POLA2: variants seen among roughly 807,000 people sequenced by gnomAD.
POLA2 encodes DNA polymerase alpha subunit B.
A neutral mutation model predicts 82.8 loss-of-function variants in POLA2; 47 were observed. The observed-to-expected ratio is 0.57, with a 90% CI of 0.45 to 0.72. The LOEUF is 0.72. POLA2 is among the 30% of genes least tolerant of loss of function. POLA2 has a pLI of 0.00. For synonymous variants in POLA2, 287 were observed against 286.8 expected, an observed-to-expected ratio of 1.00 and a Z score of -0.01; for missense variants, 634 against 728.1, an observed-to-expected ratio of 0.87 and a Z score of 1.49.
At chr11:65,282,637 A>ACCG in intron 10 of POLA2, 116 bp downstream of exon 10, 1 of 861,426 alleles carries the variant, frequency 1.2e-6, no homozygotes. Flanking sequence ...CAATGTGACC[A>ACCG]AGCAGTGAGG....
At chr11:65,298,877 A>G (rs995864078), downstream of POLA2, among the ~76,000 whole-genome samples, 4 of 152,202 alleles carry the variant, frequency 2.6e-5, no homozygotes, top group South Asian at 2.1e-4. Context: ...AGCCCAGGCA[A>G]TGGTTGCCTG....
downstream of POLA2, among the ~76,000 whole-genome samples, chr11:65,303,685 T>C (rs59598510): frequency 7.0e-3 from 1,066 of 152,284 alleles, 12 homozygotes; most frequent in African/African-American, 0.025. Flanking sequence ...GAGTGTCATG[T>C]TCACTGTTGT....
intron 8 of POLA2, among the ~76,000 whole-genome samples, chr11:65,305,201 C>T (rs1307212284): frequency 1.3e-5 from 2 of 152,160 alleles, no homozygotes; most frequent in Non-Finnish European, 2.9e-5. Flanking sequence ...TCTGGCCTCC[C>T]TCCAGGCCCC....
chr11:65,276,046 C>G, intron 5 of POLA2, 48 bp downstream of exon 5: 1 of 1,048,396 alleles, frequency 9.5e-7, no homozygotes, highest in Non-Finnish European at 1.4e-6. Context: ...CCTCCCCTCC[C>G]CTTTCTCTGG....
chr11:65,286,835 G>A (rs1949702449), intron 10 of POLA2, among the ~76,000 whole-genome samples: 2 of 152,154 alleles, frequency 1.3e-5, no homozygotes, highest in Non-Finnish European at 1.5e-5. Context: ...TAACAAGAAA[G>A]CAGGAATTTA....
At chr11:65,269,219 A>G (rs1341118659) in intron 4 of POLA2, among the ~76,000 whole-genome samples, 1 of 152,238 alleles carries the variant, frequency 6.6e-6, no homozygotes, top group African/African-American at 2.4e-5. Flanking sequence ...GCAGTGGCTC[A>G]TGCCTGTAAT....
At chr11:65,303,708 T>C (rs1388419443) in intron 8 of POLA2, among the ~76,000 whole-genome samples, 1 of 152,150 alleles carries the variant, frequency 6.6e-6, no homozygotes, top group Non-Finnish European at 1.5e-5. Context: ...CACTGGTCCC[T>C]AGACAGTGCT....
At chr11:65,272,739 C>T (rs753163152) in intron 4 of POLA2, among the ~76,000 whole-genome samples, 6 of 152,110 alleles carry the variant, frequency 3.9e-5, no homozygotes, top group East Asian at 1.9e-4. Context: ...CCGGCCACTG[C>T]GGTGGCTCAC....
At chr11:65,276,166 TTTC>T (rs1266767276) in intron 5 of POLA2, among the ~76,000 whole-genome samples, 168 bp downstream of exon 5, 1 of 152,186 alleles carries the variant, frequency 6.6e-6, no homozygotes, top group Non-Finnish European at 1.5e-5. Flanking sequence ...TTGCTCTCCT[TTTC>T]TTTGTGGAAA....
At chr11:65,270,193 T>C (rs1228331804) in intron 4 of POLA2, among the ~76,000 whole-genome samples, 2 of 152,212 alleles carry the variant, frequency 1.3e-5, no homozygotes, top group African/African-American at 2.4e-5. Context: ...GGAGGGAGCC[T>C]TAATTATTCA....
intron 1 of POLA2, among the ~76,000 whole-genome samples, chr11:65,264,646 T>G (rs930633982): frequency 6.6e-6 from 1 of 152,232 alleles, no homozygotes; most frequent in Non-Finnish European, 1.5e-5. Context: ...ACCACCATTA[T>G]GTCTCACTGA....
At chr11:65,282,251 T>C (rs1298658804) in intron 9 of POLA2, among the ~76,000 whole-genome samples, 3 of 152,214 alleles carry the variant, frequency 2.0e-5, no homozygotes, top group Admixed American at 2.0e-4. Context: ...AATTGAGTAG[T>C]GACCTCCCAT....
chr11:65,297,361 G>A lies in POLA2; in HGVS notation c.*92G>A. ...GCCCTGTGACAAGGTGAACAGTTGGGTGGGAAAGGAGAGAGGAGCCAGCCA... is the reference window on the plus strand; with the variant it reads ...GCCCTGTGACAAGGTGAACAGTTGGATGGGAAAGGAGAGAGGAGCCAGCCA... On this transcript the variant is annotated 3_prime_UTR_variant, in exon 18 of 18. Coordinates refer to ENST00000265465, the MANE Select transcript of POLA2 (RefSeq NM_002689.4). 2.1e-6 allele frequency: 3 copies of A among 1,427,202 alleles called. No homozygotes were observed. Among genetic ancestry groups the A allele is most frequent in the East Asian group, 2.5e-5 (1 of 39,960 alleles). 88.4% of individuals were successfully genotyped at this position (1,427,202 alleles called of 1,614,324 possible).
At chr11:65,281,308 TC>T (rs1565480629) in intron 8 of POLA2, among the ~76,000 whole-genome samples, 161 bp downstream of exon 8, 2 of 152,008 alleles carry the variant, frequency 1.3e-5, no homozygotes, top group African/African-American at 4.8e-5. Flanking sequence ...GATTCCTGTT[TC>T]CCCCATGCTC....
At chr11:65,274,592 A>G (rs1347571786) in intron 4 of POLA2, among the ~76,000 whole-genome samples, 3 of 151,734 alleles carry the variant, frequency 2.0e-5, no homozygotes, top group Non-Finnish European at 2.9e-5. Context: ...AGGCAGCAGC[A>G]TCGCTTGAAC....
chr11:65,295,805 T>C lies in POLA2; in HGVS notation c.1521-59T>C, dbSNP rs1432528511. 16 of 1,582,184 alleles carry C rather than the reference T, an allele frequency of 1.0e-5. No homozygotes were observed. In the Middle Eastern group the frequency reaches 6.7e-4, roughly 67 times the overall value. ...CGAAAGCCAGTACCTAGGGGGACTC[T>C]GTCTGAGAAGGGGGCCCCCCGGTCA... On this transcript the variant is annotated intron_variant, in intron 16 of 17. Coordinates refer to ENST00000265465, the MANE Select transcript of POLA2 (RefSeq NM_002689.4).
exon 9 of POLA2, chr11:65,305,445 C>G (rs1468105760): frequency 2.2e-6 from 1 of 454,460 alleles, no homozygotes; most frequent in South Asian, 1.6e-5. Flanking sequence ...GAGAAACAGC[C>G]CTGTTGACTG....
chr11:65,277,269 C>G (rs1407067520), intron 5 of POLA2, among the ~76,000 whole-genome samples: 1 of 151,566 alleles, frequency 6.6e-6, no homozygotes, highest in Non-Finnish European at 1.5e-5. Flanking sequence ...CCTTGGCCTT[C>G]CAGGCTCAGG....
At chr11:65,275,791 C>G in intron 4 of POLA2, 101 bp from the exon 5 acceptor site, 1 of 551,586 alleles carries the variant, frequency 1.8e-6, no homozygotes, top group Admixed American at 3.6e-5. Context: ...TATTTTGTGC[C>G]TTCGTTTGGA....
Sources: allele counts gnomAD v4.1 joint callset (sites outside exome capture counted in the v4.1 genomes callset), GRCh38; gene constraint gnomAD v4.1.1; transcripts MANE v1.5; gene names NCBI Gene and HGNC (gene_info 2026-07-23, HGNC 2026-07-21).